Variants in SHISA6 observed in about 807,000 individuals in gnomAD.
SHISA6 encodes the protein shisa family member 6, also known as protein shisa-6.
Under a neutral mutation model 47.9 loss-of-function variants are expected in SHISA6, and 22 were observed. That is an observed-to-expected ratio of 0.46 (90% CI 0.33 to 0.66). The LOEUF is 0.66. Among genes scored for constraint, SHISA6 ranks in the 30% least tolerant of loss-of-function variants. SHISA6 has a pLI of 0.02. For synonymous variants in SHISA6, 388 were observed against 337.8 expected (o/e 1.15, Z -1.63); for missense variants, 680 against 764.6 (o/e 0.89, Z 1.30).
chr17:11,321,915 T>C (rs780403172), intron 2 of SHISA6, among the ~76,000 whole-genome samples: 12 of 152,212 alleles, frequency 7.9e-5, no homozygotes, highest in Non-Finnish European at 1.6e-4. Flanking sequence ...TAGTGTATTT[T>C]ATGTGTGGCT....
intron 1 of SHISA6, among the ~76,000 whole-genome samples, chr17:11,242,806 A>C (rs535651128): frequency 1.0e-3 from 155 of 152,268 alleles, no homozygotes; most frequent in African/African-American, 3.4e-3. Flanking sequence ...AACTTACGCC[A>C]AGAGCTCAAA....
chr17:11,291,008 A>G (rs996340091), intron 2 of SHISA6, among the ~76,000 whole-genome samples: 1 of 150,992 alleles, frequency 6.6e-6, no homozygotes, highest in South Asian at 2.1e-4. Flanking sequence ...ATAATTTAAT[A>G]ATTTATTAAT....
rs2072002065 is a variant in SHISA6, at chr17:11,558,164, T to C, written c.1516T>C (p.Tyr506His). 4 of 1,548,882 alleles carry C rather than the reference T, an allele frequency of 2.6e-6. No individual in the cohort carries two copies. The highest frequency in any genetic ancestry group is 1.4e-5 in the African/African-American group (1 of 73,072). ...HSHPSASNNS[Y>H]ATLGQSQTAA... is the part of the protein sequence containing the mutation. The stretch of plus-strand genomic sequence containing the variant: ...TCATCCCAGTGCCTCCAATAACTCA[T>C]ACGCCACCCTGGGCCAGAGCCAGAC... Residue 506 changes from tyrosine (Y) to histidine (H), a missense_variant, in exon 6 of 6, where the codon TAC becomes CAC. By Grantham distance (83) the Tyr-to-His change is moderately conservative. Coordinates refer to ENST00000441885, the MANE Select transcript of SHISA6 (RefSeq NM_207386.4).
chr17:11,501,327 G>C (rs2071451326), intron 3 of SHISA6, among the ~76,000 whole-genome samples: 1 of 152,050 alleles, frequency 6.6e-6, no homozygotes, highest in Admixed American at 6.6e-5. Context: ...GGTCAGGCTG[G>C]TCACGAACTC....
At position 11,288,010 on chromosome 17, in the gene SHISA6, A is replaced by G. The variant is rs868295493; in HGVS notation, c.799+24484A>G. Among the ~76,000 whole-genome samples, 10 of 152,286 alleles carry G rather than the reference A, an allele frequency of 6.6e-5. No homozygotes were observed. The East Asian group carries it at 7.7e-4, about 12-fold the overall frequency. On this transcript the variant is annotated intron_variant, in intron 2 of 5. Transcript: ENST00000441885. ...TCCACTCAGCTAATCCTACTCATCTATAGCCCCACCATAACTCCCCAATCA... is the reference window on the plus strand; with the variant it reads ...TCCACTCAGCTAATCCTACTCATCTGTAGCCCCACCATAACTCCCCAATCA...
At chr17:11,418,674 T>G (rs563761371) in intron 3 of SHISA6, among the ~76,000 whole-genome samples, 1 of 152,312 alleles carries the variant, frequency 6.6e-6, no homozygotes, top group Admixed American at 6.5e-5. Context: ...TTCCCTGCAT[T>G]GGCGTAAGCA....
At chr17:11,407,096 A>G (rs1333047301) in intron 3 of SHISA6, among the ~76,000 whole-genome samples, 1 of 152,180 alleles carries the variant, frequency 6.6e-6, no homozygotes, top group African/African-American at 2.4e-5. Flanking sequence ...AATAATAGCT[A>G]GCACTTATAG....
At position 11,406,192 on chromosome 17, in the gene SHISA6, C is replaced by G. The variant is rs538716515; in HGVS notation, c.895+26683C>G. ...TTACACAACCACATAGGCAGTGGTA[C>G]GTGGACACACCACATGCATGAGATT... On this transcript the variant is annotated intron_variant, in intron 3 of 5. Coordinates refer to ENST00000441885, the MANE Select transcript of SHISA6 (RefSeq NM_207386.4). Among the ~76,000 whole-genome samples, 7 of 152,322 alleles carry G rather than the reference C, an allele frequency of 4.6e-5. No individual in the cohort carries two copies. In the South Asian group the frequency reaches 1.4e-3, roughly 32 times the overall value.
chr17:11,486,605 A>T (rs1035895230), intron 3 of SHISA6, among the ~76,000 whole-genome samples: 1 of 152,234 alleles, frequency 6.6e-6, no homozygotes, highest in South Asian at 2.1e-4. Flanking sequence ...TGGGCTGTGC[A>T]TGTTATCCTT....
intron 3 of SHISA6, among the ~76,000 whole-genome samples, chr17:11,399,349 T>C (rs1264982724): frequency 1.3e-4 from 20 of 152,214 alleles, no homozygotes; most frequent in Non-Finnish European, 2.9e-5. Context: ...ATATTGAGTG[T>C]AGGACTCAAT....
intron 3 of SHISA6, among the ~76,000 whole-genome samples, chr17:11,383,193 C>G (rs1391703642): frequency 1.3e-5 from 2 of 152,066 alleles, no homozygotes; most frequent in African/African-American, 4.8e-5. Flanking sequence ...CCATCTCAGC[C>G]TCTCAAAGTG....
At chr17:11,265,529 T>TG (rs559376131) in intron 2 of SHISA6, among the ~76,000 whole-genome samples, 47 of 152,288 alleles carry the variant, frequency 3.1e-4, no homozygotes, top group Non-Finnish European at 4.4e-4. Flanking sequence ...GAGGCACCAT[T>TG]GTAACTAATC....
At chr17:11,382,798 C>T (rs146243974) in intron 3 of SHISA6, among the ~76,000 whole-genome samples, 207 of 152,266 alleles carry the variant, frequency 1.4e-3, no homozygotes, top group African/African-American at 4.8e-3. Flanking sequence ...CCCTACTAAC[C>T]CAGATCACTT....
At chr17:11,259,396 TG>T (rs1908142024) in intron 1 of SHISA6, among the ~76,000 whole-genome samples, 1 of 152,222 alleles carries the variant, frequency 6.6e-6, no homozygotes. Flanking sequence ...ATCCAATGCA[TG>T]TAAGAGCCAG....
intron 3 of SHISA6, among the ~76,000 whole-genome samples, chr17:11,541,218 G>A (rs9894989): frequency 0.3 from 45,030 of 152,110 alleles, 7,051 homozygotes; most frequent in East Asian, 0.53. Context: ...CGGAGGTCAG[G>A]TGAGTAGGAG....
chr17:11,451,556 G>C (rs1915403590), intron 3 of SHISA6, among the ~76,000 whole-genome samples: 1 of 152,174 alleles, frequency 6.6e-6, no homozygotes, highest in Non-Finnish European at 1.5e-5. Flanking sequence ...GATAAGGAAT[G>C]ACCGGTCAGG....
At chr17:11,318,020 C>G (rs996130763) in intron 2 of SHISA6, among the ~76,000 whole-genome samples, 43 of 152,212 alleles carry the variant, frequency 2.8e-4, no homozygotes, top group Middle Eastern at 3.4e-3. Flanking sequence ...TATTTTGCAG[C>G]AAATCACAGA....
intron 2 of SHISA6, among the ~76,000 whole-genome samples, chr17:11,369,816 G>A (rs549366871): frequency 2.0e-5 from 3 of 152,136 alleles, no homozygotes; most frequent in South Asian, 2.1e-4. Flanking sequence ...CTTTCCAAGG[G>A]GATTACAGCC....
At chr17:11,486,714 C>T (rs1319521234) in intron 3 of SHISA6, among the ~76,000 whole-genome samples, 1 of 152,164 alleles carries the variant, frequency 6.6e-6, no homozygotes, top group African/African-American at 2.4e-5. Flanking sequence ...TTCCTGCACC[C>T]CAGCATCTGG....
Sources: gnomAD v4.1 joint callset for allele counts (sites outside exome capture counted in the v4.1 genomes callset) on GRCh38, gnomAD v4.1.1 for gene constraint, MANE v1.5 for transcripts, NCBI Gene and HGNC (gene_info 2026-07-23, HGNC 2026-07-21) for gene names.